Variants in E2F7 observed in about 807,000 individuals in gnomAD.
The protein encoded by E2F7 is transcription factor E2F7.
In E2F7, 35 loss-of-function variants were observed where a neutral mutation model predicts 81.1. The ratio of observed to expected loss-of-function variants is 0.43; its 90% CI spans 0.33 to 0.57. The LOEUF (loss-of-function observed/expected upper bound fraction) is 0.57. Among genes scored for constraint, E2F7 ranks in the 20% least tolerant of loss-of-function variants. The pLI, the probability that E2F7 is intolerant of heterozygous loss-of-function variation, is 0.04. For missense variants in E2F7, 961 were observed against 1,093.7 expected, an observed-to-expected ratio of 0.88 and a Z score of 1.71; for synonymous variants, 416 against 416.2, an observed-to-expected ratio of 1.00 and a Z score of 0.01.
In E2F7 at chr12:77,052,357, G is replaced by A. The variant is rs1954997389; in HGVS notation, c.370-1613C>T. On this transcript the variant is annotated intron_variant, in intron 3 of 12. Coordinates refer to ENST00000322886, the MANE Select transcript of E2F7 (RefSeq NM_203394.3). ...GTGCTTATTACAATAGGGTATTAGGGCAGGGATGGACAATGGAACAGGAGG... is the reference window on the plus strand; with the variant it reads ...GTGCTTATTACAATAGGGTATTAGGACAGGGATGGACAATGGAACAGGAGG... Among the ~76,000 whole-genome samples the A allele has an allele frequency of 2.0e-5, 3 of 152,110 alleles. No individual in the cohort carries two copies. The South Asian group carries it at 6.2e-4, about 32-fold the overall frequency.
chr12:77,033,004 T>C, intron 9 of E2F7, 46 bp downstream of exon 9: 1 of 1,563,636 alleles, frequency 6.4e-7, no homozygotes, highest in Non-Finnish European at 8.7e-7. Flanking sequence ...AAGTTAACAC[T>C]AGGAGATAGA....
At chr12:77,029,552 T>C (rs1954786980) in intron 10 of E2F7, among the ~76,000 whole-genome samples, 1 of 152,224 alleles carries the variant, frequency 6.6e-6, no homozygotes, top group Non-Finnish European at 1.5e-5. Flanking sequence ...TATATAAACA[T>C]GTTAATAGTG....
At chr12:77,062,749 T>C (rs1304723073) in intron 2 of E2F7, among the ~76,000 whole-genome samples, 1 of 152,134 alleles carries the variant, frequency 6.6e-6, no homozygotes, top group African/African-American at 2.4e-5. Context: ...GTTATATAAA[T>C]GTATGGATGT....
chr12:77,030,795 G>A (rs1954800113), intron 9 of E2F7, among the ~76,000 whole-genome samples: 1 of 152,198 alleles, frequency 6.6e-6, no homozygotes, highest in Admixed American at 6.5e-5. Context: ...AGCCAGCTCT[G>A]AAGTGAGAAG....
intron 12 of E2F7, among the ~76,000 whole-genome samples, chr12:77,024,437 G>A (rs892308231): frequency 3.9e-5 from 6 of 152,138 alleles, no homozygotes; most frequent in African/African-American, 1.4e-4. Flanking sequence ...GCCAGGGACT[G>A]GGCTCTGCCA....
intron 7 of E2F7, among the ~76,000 whole-genome samples, chr12:77,041,894 A>G (rs1283791139): frequency 6.6e-6 from 1 of 152,176 alleles, no homozygotes. Context: ...ATAAATAAAG[A>G]TAATGTCTGG....
chr12:77,061,836 C>T (rs1257596402), intron 2 of E2F7, among the ~76,000 whole-genome samples: 2 of 152,236 alleles, frequency 1.3e-5, no homozygotes, highest in African/African-American at 4.8e-5. Context: ...TGAATGCTCA[C>T]ACCTCATGCT....
chr12:77,024,081 C>G lies in E2F7; in HGVS notation c.2670G>C (p.Arg890Ser), dbSNP rs566179624. 3 of 1,614,030 alleles carry G rather than the reference C, an allele frequency of 1.9e-6. No individual in the cohort carries two copies. Among genetic ancestry groups the G allele is most frequent in the South Asian group, 2.2e-5 (2 of 91,064 alleles). The change falls in exon 13 of 13, where the codon AGG (arginine) becomes AGC (serine). Residue 890 changes from arginine to serine, a missense_variant. Around this residue, in one of 3 missense-constraint regions of E2F7, gnomAD observed 587 missense variants for 620.3 expected, o/e 0.95. Coordinates refer to ENST00000322886, the MANE Select transcript of E2F7 (RefSeq NM_203394.3). ...LGDPVLKRRE[R>S]NQSRNTSSAQ... The stretch of plus-strand genomic sequence containing the variant: ...CCGAGCTGGTGTTTCGTGACTGGTT[C>G]CTTTCTCTTCTCTTCAGGACAGGGT...
rs533372235 is a variant in E2F7 at position 77,046,778 on chromosome 12, TC to T, written c.539-451del. On this transcript the variant is annotated intron_variant, in intron 4 of 12. Coordinates refer to ENST00000322886, the MANE Select transcript of E2F7 (RefSeq NM_203394.3). ...TCAACTGTGTCCAATAACTGACACT[TC>T]CCTATTAGACAATACTGTCTATCCT... 1.5e-3 allele frequency among the ~76,000 whole-genome samples: 229 copies of T among 152,352 alleles called. 2 individuals are homozygous for T. Among genetic ancestry groups the T allele is most frequent in the Admixed American group, 0.012 (187 of 15,298 alleles).
intron 10 of E2F7, among the ~76,000 whole-genome samples, chr12:77,028,450 C>T (rs1008522617): frequency 6.6e-6 from 1 of 151,308 alleles, no homozygotes; most frequent in Non-Finnish European, 1.5e-5. Context: ...TCTCAGCCTC[C>T]CAAAGTACTG....
chr12:77,045,395 CT>C (rs1954931557), intron 5 of E2F7, among the ~76,000 whole-genome samples: 2 of 152,272 alleles, frequency 1.3e-5, no homozygotes, highest in Admixed American at 1.3e-4. Flanking sequence ...TAAGTACTGG[CT>C]CATGGGGTGG....
intron 2 of E2F7, among the ~76,000 whole-genome samples, chr12:77,061,965 T>C (rs759541101): frequency 1.1e-4 from 16 of 152,242 alleles, no homozygotes; most frequent in Admixed American, 4.6e-4. Flanking sequence ...TAACTCCCTC[T>C]GAACTTCCCA....
At chr12:77,060,965 A>C (rs1955073282) in intron 2 of E2F7, among the ~76,000 whole-genome samples, 1 of 152,120 alleles carries the variant, frequency 6.6e-6, no homozygotes, top group African/African-American at 2.4e-5. Context: ...AAGACTGTTG[A>C]CTATTCTTTG....
At position 77,023,313 on chromosome 12, in the gene E2F7, T is replaced by C. The variant is rs1954729364; in HGVS notation, c.*702A>G. On this transcript the variant is annotated 3_prime_UTR_variant, in exon 13 of 13. Transcript: ENST00000322886. ...TTGTTCTCAAGCCCACAGTCAGGGT[T>C]AGCACAGTTCATTTACAGCAAGGTG... is the stretch of plus-strand genomic sequence containing the variant. The C allele has an allele frequency of 6.5e-6, 1 of 152,740 alleles. No homozygotes were observed. Among genetic ancestry groups the C allele is most frequent in the Non-Finnish European group, 1.5e-5 (1 of 68,084 alleles). 9.5% of individuals were successfully genotyped at this position (152,740 alleles called of 1,614,324 possible). A position where few individuals can be genotyped will look rare whatever the true frequency, so the allele number is the denominator to read the frequency against.
chr12:77,024,074 A>G lies in E2F7; in HGVS notation c.2677T>C (p.Ser893Pro). ...PVLKRRERNQ[S>P]RNTSSAQRRL... ...CTCTGGGCCGAGCTGGTGTTTCGTG[A>G]CTGGTTCCTTTCTCTTCTCTTCAGG... The change falls in exon 13 of 13, where the codon TCA (serine) becomes CCA (proline). Residue 893 changes from serine (S) to proline (P), a missense_variant. This residue lies in a region of E2F7 where 587 missense variants were observed against 620.3 expected (regional missense o/e 0.95). Coordinates refer to ENST00000322886, the MANE Select transcript of E2F7 (RefSeq NM_203394.3). 6.2e-7 allele frequency: 1 copy of G among 1,613,764 alleles called. No individual in the cohort carries two copies. The highest frequency in any genetic ancestry group is 8.5e-7 in the Non-Finnish European group (1 of 1,179,942).
rs1292358000 is a variant in E2F7, at chr12:77,025,938, G to C, written c.2185C>G (p.Pro729Ala). 5 of 1,613,530 alleles carry C rather than the reference G, an allele frequency of 3.1e-6. No individual in the cohort carries two copies. Among genetic ancestry groups the C allele is most frequent in the Non-Finnish European group, 3.4e-6 (4 of 1,179,734 alleles). ...NVLLSGSQTP[P>A]TVGPSSGQLP... ...TGACCTGAGGACGGGCCCACAGTAG[G>C]GGGGGTTTGACTGCCAGATAAAAGT... is the stretch of plus-strand genomic sequence containing the variant. The change falls in exon 12 of 13, where the codon CCT becomes GCT. Residue 729 changes from proline (P) to alanine (A), a missense_variant. By Grantham distance (27) the Pro-to-Ala change is conservative (BLOSUM62 -1). Transcript: ENST00000322886.
chr12:77,064,566 C>G lies in E2F7; in HGVS notation c.70G>C (p.Glu24Gln). 1 of 1,614,132 alleles carries G rather than the reference C, an allele frequency of 6.2e-7. No homozygotes were observed. The highest frequency in any genetic ancestry group is 8.5e-7 in the Non-Finnish European group (1 of 1,180,002). Residue 24 changes from glutamate to glutamine, a missense_variant, in exon 2 of 13, where the codon GAA becomes CAA. This residue lies in a region of E2F7 where 73 missense variants were observed against 68.4 expected (regional missense o/e 1.07). Coordinates refer to ENST00000322886, the MANE Select transcript of E2F7 (RefSeq NM_203394.3). Reference protein sequence around the residue: ...PRQPRLDFAVEDGENAQKENI... With the variant: ...PRQPRLDFAVQDGENAQKENI... ...ACCTTTTGTGCATTTTCCCCATCTT[C>G]AACTGCAAAATCTAGTCTGGGCTGC...
At chr12:77,043,244 C>A (rs752078539) in intron 6 of E2F7, 45 bp from the exon 7 acceptor site, 1 of 1,610,700 alleles carries the variant, frequency 6.2e-7, no homozygotes, top group South Asian at 1.1e-5. Context: ...CCTGTGACAC[C>A]ATGACAGTTT....
chr12:77,047,018 T>C (rs1273657622), intron 4 of E2F7, among the ~76,000 whole-genome samples: 1 of 152,192 alleles, frequency 6.6e-6, no homozygotes, highest in Non-Finnish European at 1.5e-5. Context: ...TAGACAATTC[T>C]CTGTGTTCTC....
Sources: allele counts gnomAD v4.1 joint callset (sites outside exome capture counted in the v4.1 genomes callset), GRCh38; gene constraint gnomAD v4.1.1; regional missense constraint gnomAD v4.1.1; transcripts MANE v1.5; gene names NCBI Gene and HGNC (gene_info 2026-07-23, HGNC 2026-07-21).